Variants in PCDH11X observed in about 807,000 individuals in gnomAD.
PCDH11X encodes protocadherin-11 X-linked.
Under a neutral mutation model 53.3 loss-of-function variants are expected in PCDH11X, and 18 were observed. The observed-to-expected ratio is 0.34, with a 90% CI of 0.23 to 0.50. The LOEUF is 0.50. Ranked by LOEUF, PCDH11X falls within the 20% of genes least tolerant of loss-of-function variation. PCDH11X has a pLI of 0.98. For missense variants in PCDH11X, 570 were observed against 1,032.4 expected (o/e 0.55, Z 6.14); for synonymous variants, 279 against 393.3 (o/e 0.71, Z 3.44).
intron 6 of PCDH11X, among the ~76,000 whole-genome samples, chrX:91,959,284 T>A (rs901916540): frequency 9.0e-6 from 1 of 110,855 alleles, no homozygotes; most frequent in African/African-American, 3.3e-5. Context: ...AAAATAGTTA[T>A]CCTTTTTTTT....
intron 10 of PCDH11X, among the ~76,000 whole-genome samples, chrX:92,538,125 T>C (rs2074699469): frequency 9.2e-6 from 1 of 108,265 alleles, no homozygotes; most frequent in South Asian, 4.1e-4. Flanking sequence ...AGTGACCTTC[T>C]TTGTCTCTTC....
At chrX:91,813,939 T>C (rs904366079) in intron 4 of PCDH11X, among the ~76,000 whole-genome samples, 3 of 104,816 alleles carry the variant, frequency 2.9e-5, no homozygotes, top group African/African-American at 6.9e-5. Context: ...TTGTCAGCTG[T>C]AACAGGTTTT....
In PCDH11X at chrX:92,264,594, A is replaced by G. The variant is rs889340491; in HGVS notation, c.3144+1451A>G. 5.4e-5 allele frequency among the ~76,000 whole-genome samples: 6 copies of G among 111,981 alleles called. No homozygotes were observed. The East Asian group carries it at 1.1e-3, about 21-fold the overall frequency. On this transcript the variant is annotated intron_variant, in intron 8 of 10. Coordinates refer to ENST00000682573, the MANE Select transcript of PCDH11X (RefSeq NM_032968.5). ...TACAGATTTGGGGATTTTGTGTTCT[A>G]ACATTCTTAACCATTCTGGTGAATT...
intron 6 of PCDH11X, among the ~76,000 whole-genome samples, chrX:91,999,624 T>TA (rs199793153): frequency 0.37 from 39,642 of 107,678 alleles, 6,168 homozygotes; most frequent in African/African-American, 0.53. Flanking sequence ...TAGAGCTTTA[T>TA]AAAAAATGAC....
intron 6 of PCDH11X, among the ~76,000 whole-genome samples, chrX:92,174,673 C>T (rs1183265343): frequency 9.0e-6 from 1 of 111,393 alleles, no homozygotes; most frequent in Non-Finnish European, 1.9e-5. Flanking sequence ...TGATAACGTC[C>T]GCTAAATGTA....
At chrX:92,213,605 T>C (rs2066631931) in intron 7 of PCDH11X, among the ~76,000 whole-genome samples, 1 of 111,718 alleles carries the variant, frequency 9.0e-6, no homozygotes, top group Admixed American at 9.6e-5. Context: ...ATCCCACGAT[T>C]CTCATGGCAT....
At chrX:92,589,495 A>T (rs1364830066) in intron 10 of PCDH11X, among the ~76,000 whole-genome samples, 1 of 112,034 alleles carries the variant, frequency 8.9e-6, no homozygotes, top group African/African-American at 3.2e-5. Flanking sequence ...TTGTTTGTTT[A>T]TGCAAGTACT....
chrX:92,586,801 A>G (rs1924427584), intron 10 of PCDH11X, among the ~76,000 whole-genome samples: 1 of 111,655 alleles, frequency 9.0e-6, no homozygotes, highest in South Asian at 3.7e-4. Flanking sequence ...ACAATACAGA[A>G]CTTAGTCACA....
intron 4 of PCDH11X, among the ~76,000 whole-genome samples, chrX:91,816,169 T>C (rs1364575689): frequency 9.0e-6 from 1 of 111,414 alleles, no homozygotes; most frequent in African/African-American, 3.3e-5. Flanking sequence ...AAAATGCCTA[T>C]ATAAGTTTGT....
chrX:92,373,397 T>G (rs1286383182), intron 8 of PCDH11X, among the ~76,000 whole-genome samples: 1 of 111,473 alleles, frequency 9.0e-6, no homozygotes, highest in African/African-American at 3.3e-5. Flanking sequence ...CGAAGACAAG[T>G]TTTCTTGCCT....
At chrX:92,098,270 C>G (rs1209810828) in intron 6 of PCDH11X, among the ~76,000 whole-genome samples, 5 of 110,771 alleles carry the variant, frequency 4.5e-5, no homozygotes, top group African/African-American at 9.9e-5. Flanking sequence ...AGAAATTGAG[C>G]CCAAGAACTA....
chrX:92,509,603 T>C (rs1238289235), intron 10 of PCDH11X, among the ~76,000 whole-genome samples: 2 of 111,923 alleles, frequency 1.8e-5, no homozygotes, highest in Admixed American at 1.9e-4. Flanking sequence ...TTATAAGAGC[T>C]AATATTGTCT....
intron 1 of PCDH11X, among the ~76,000 whole-genome samples, chrX:91,798,446 A>G (rs1935815533): frequency 9.1e-6 from 1 of 110,465 alleles, no homozygotes; most frequent in Admixed American, 9.7e-5. Flanking sequence ...AAAATTAACC[A>G]GGCATGATGG....
At chrX:92,034,941 G>A (rs1207968953) in intron 6 of PCDH11X, among the ~76,000 whole-genome samples, 1 of 109,695 alleles carries the variant, frequency 9.1e-6, no homozygotes, top group Non-Finnish European at 1.9e-5. Context: ...AGATTACCAT[G>A]AGGCTTGCAA....
chrX:92,097,381 G>C (rs2064157830), intron 6 of PCDH11X, among the ~76,000 whole-genome samples: 1 of 102,745 alleles, frequency 9.7e-6, no homozygotes, highest in Admixed American at 1.1e-4. Flanking sequence ...CTGCATTCCA[G>C]ACTGGGAAAC....
intron 7 of PCDH11X, among the ~76,000 whole-genome samples, chrX:92,223,565 C>A (rs1470342403): frequency 8.9e-6 from 1 of 111,951 alleles, no homozygotes; most frequent in African/African-American, 3.2e-5. Flanking sequence ...CAACTGGTAT[C>A]CACCAAAACT....
chrX:92,567,145 A>C (rs377385600), intron 10 of PCDH11X, among the ~76,000 whole-genome samples: 2 of 102,148 alleles, frequency 2.0e-5, no homozygotes, highest in East Asian at 5.9e-4. Flanking sequence ...AGATAGTTTC[A>C]TTTTTAATTC....
intron 5 of PCDH11X, among the ~76,000 whole-genome samples, chrX:91,840,297 T>C (rs1276997608): frequency 8.9e-6 from 1 of 111,854 alleles, no homozygotes; most frequent in African/African-American, 3.2e-5. Flanking sequence ...TGCTGATTGA[T>C]TTCCTTAAGG....
intron 10 of PCDH11X, among the ~76,000 whole-genome samples, chrX:92,604,459 C>A (rs1222815996): frequency 9.1e-6 from 1 of 109,982 alleles, no homozygotes; most frequent in Non-Finnish European, 1.9e-5. Context: ...ATATACATAC[C>A]CGCACATGTA....
Sources: gnomAD v4.1 joint callset for allele counts (sites outside exome capture counted in the v4.1 genomes callset) on GRCh38, gnomAD v4.1.1 for gene constraint, MANE v1.5 for transcripts, NCBI Gene and HGNC (gene_info 2026-07-23, HGNC 2026-07-21) for gene names.